The following NEBL variants were observed in gnomAD, a reference collection of about 807,000 sequenced individuals.
NEBL encodes nebulette, also known as LIM and SH3 protein 2.
Under a neutral mutation model 140.2 loss-of-function variants are expected in NEBL, and 122 were observed. The ratio of observed to expected loss-of-function variants is 0.87; its 90% CI spans 0.75 to 1.01. The LOEUF is 1.01. Among genes scored for constraint, NEBL ranks in the 50% least tolerant of loss-of-function variants. NEBL has a pLI of 0.00. For synonymous variants in NEBL, 436 were observed against 398.9 expected, an observed-to-expected ratio of 1.09 and a Z score of -1.11; for missense variants, 1,365 against 1,231.3, an observed-to-expected ratio of 1.11 and a Z score of -1.62.
chr10:20,846,433 C>A (rs552291761), intron 11 of NEBL, among the ~76,000 whole-genome samples: 5 of 152,158 alleles, frequency 3.3e-5, no homozygotes, highest in African/African-American at 1.2e-4. Flanking sequence ...GAGAAGCATG[C>A]TGTCTCCTCA....
At chr10:20,788,074 T>C (rs1479066277) in intron 26 of NEBL, among the ~76,000 whole-genome samples, 1 of 152,194 alleles carries the variant, frequency 6.6e-6, no homozygotes, top group Non-Finnish European at 1.5e-5. Flanking sequence ...AAAGGCATAG[T>C]TCCTGTTTTG....
chr10:21,217,632 A>G (rs1397071419), intron 3 of NEBL, among the ~76,000 whole-genome samples: 7 of 152,208 alleles, frequency 4.6e-5, no homozygotes, highest in Admixed American at 4.6e-4. Context: ...CCTAGATAAG[A>G]TACTTCGCTG....
intron 4 of NEBL, among the ~76,000 whole-genome samples, chr10:20,921,716 A>G (rs905828233): frequency 1.3e-5 from 2 of 152,014 alleles, no homozygotes; most frequent in African/African-American, 4.8e-5. Context: ...GCACCTTAAT[A>G]TGTGACAACA....
intron 4 of NEBL, among the ~76,000 whole-genome samples, chr10:20,886,303 G>A (rs1246643044): frequency 2.6e-5 from 4 of 151,952 alleles, no homozygotes; most frequent in African/African-American, 7.3e-5. Context: ...TGGGCAGATC[G>A]CCTGAGGTCA....
intron 2 of NEBL, among the ~76,000 whole-genome samples, chr10:20,890,404 G>A (rs927163243): frequency 7.9e-5 from 12 of 152,300 alleles, no homozygotes; most frequent in Admixed American, 3.9e-4. Flanking sequence ...AAGTAGAGGC[G>A]AAATTAAATG....
intron 2 of NEBL, among the ~76,000 whole-genome samples, chr10:21,053,529 A>G (rs1834871362): frequency 6.6e-6 from 1 of 152,226 alleles, no homozygotes; most frequent in Non-Finnish European, 1.5e-5. Context: ...TTAAGGAAAA[A>G]GATAATAAAG....
At chr10:21,247,611 A>G (rs902948974) in intron 3 of NEBL, 1 of 152,154 alleles carries the variant, frequency 6.6e-6, no homozygotes, top group African/African-American at 2.4e-5. Context: ...ATCTGTTCCC[A>G]TTAAGCAATA....
intron 2 of NEBL, among the ~76,000 whole-genome samples, chr10:21,123,973 C>T (rs1209343603): frequency 2.0e-5 from 3 of 151,412 alleles, no homozygotes; most frequent in South Asian, 2.1e-4. Flanking sequence ...ACCTGAGATA[C>T]GTGTGTGTGT....
At chr10:20,924,440 G>T (rs1445741952) in intron 4 of NEBL, among the ~76,000 whole-genome samples, 3 of 118,784 alleles carry the variant, frequency 2.5e-5, no homozygotes, top group Non-Finnish European at 5.3e-5. Flanking sequence ...AAAAAAAAAG[G>T]CTACACCTTT....
intron 2 of NEBL, among the ~76,000 whole-genome samples, chr10:21,055,493 G>A (rs1167921424): frequency 2.0e-5 from 3 of 152,088 alleles, no homozygotes; most frequent in Non-Finnish European, 2.9e-5. Context: ...TGACATAAAT[G>A]AAAACCCACC....
rs1260885636 is a variant in NEBL at position 21,263,444 on chromosome 10, C to G, written n.183-11616G>C. 2.6e-5 allele frequency among the ~76,000 whole-genome samples: 4 copies of G among 152,008 alleles called. No homozygotes were observed. The East Asian group carries it at 7.7e-4, about 29-fold the overall frequency. ...AGAGGTGACTGATGATCACAGACATCTGGGTGGCAGTAAGAGTCCAAGCGG... is the reference window on the plus strand; with the variant it reads ...AGAGGTGACTGATGATCACAGACATGTGGGTGGCAGTAAGAGTCCAAGCGG... On this transcript the variant is annotated intron_variant and non_coding_transcript_variant, in intron 1 of 8. Transcript: ENST00000675702.
chr10:20,854,500 C>G (rs1842853990), intron 9 of NEBL, among the ~76,000 whole-genome samples: 1 of 151,608 alleles, frequency 6.6e-6, no homozygotes, highest in African/African-American at 2.4e-5. Flanking sequence ...CCAAACCTAA[C>G]CAGAATAAAA....
chr10:21,123,194 C>T (rs1258640295), intron 2 of NEBL, among the ~76,000 whole-genome samples: 1 of 152,158 alleles, frequency 6.6e-6, no homozygotes, highest in Admixed American at 6.5e-5. Flanking sequence ...TCTTAAAAAT[C>T]CAGCAAGTGC....
At position 21,222,206 on chromosome 10, in the gene NEBL, G is replaced by C. The variant is rs149287881; in HGVS notation, n.348+25715C>G. Reference sequence around the variant, plus strand: ...CACACCTGTAATCCCACCACTTTGGGAGGCCGAGGTGGGAGAATCGCTTAA... The same window carrying C: ...CACACCTGTAATCCCACCACTTTGGCAGGCCGAGGTGGGAGAATCGCTTAA... On this transcript the variant is annotated intron_variant and non_coding_transcript_variant, in intron 3 of 8. Coordinates refer to the NEBL transcript ENST00000675702. 3.2e-4 allele frequency among the ~76,000 whole-genome samples: 48 copies of C among 152,026 alleles called. 1 individual carries two copies. The East Asian group carries it at 7.9e-3, about 25-fold the overall frequency.
intron 2 of NEBL, among the ~76,000 whole-genome samples, chr10:21,154,996 C>T (rs1165029764): frequency 1.3e-5 from 2 of 152,068 alleles, no homozygotes; most frequent in Non-Finnish European, 2.9e-5. Flanking sequence ...GTCAGGAGTT[C>T]GAGACCAGCC....
intron 3 of NEBL, among the ~76,000 whole-genome samples, chr10:21,200,874 G>C (rs1841724632): frequency 6.6e-6 from 1 of 152,042 alleles, no homozygotes; most frequent in African/African-American, 2.4e-5. Flanking sequence ...TGAGAGGATT[G>C]TGCGAGCCCA....
At chr10:20,903,118 G>C (rs991329116) in intron 4 of NEBL, among the ~76,000 whole-genome samples, 1 of 152,102 alleles carries the variant, frequency 6.6e-6, no homozygotes, top group South Asian at 2.1e-4. Context: ...AAGCCTGAAA[G>C]TGCAGATAGT....
At chr10:21,119,947 C>G (rs530652313) in intron 2 of NEBL, among the ~76,000 whole-genome samples, 1 of 151,950 alleles carries the variant, frequency 6.6e-6, no homozygotes, top group Admixed American at 6.6e-5. Flanking sequence ...ACCTCATTTG[C>G]GGATTTATCT....
chr10:20,899,337 G>A (rs761568015), upstream of NEBL: 10 of 1,187,316 alleles, frequency 8.4e-6, no homozygotes, highest in Non-Finnish European at 1.1e-5. Flanking sequence ...AGACAGTACT[G>A]GTGTTACTCA....
Sources: gnomAD v4.1 joint callset for allele counts (sites outside exome capture counted in the v4.1 genomes callset) on GRCh38, gnomAD v4.1.1 for gene constraint, MANE v1.5 for transcripts, NCBI Gene and HGNC (gene_info 2026-07-23, HGNC 2026-07-21) for gene names.